The following SLC24A2 variants were observed in gnomAD, a reference collection of about 807,000 sequenced individuals.
SLC24A2 encodes the protein solute carrier family 24 member 2.
In SLC24A2, 36 loss-of-function variants were observed where a neutral mutation model predicts 62.0. The observed-to-expected ratio is 0.58, with a 90% CI of 0.44 to 0.77. The LOEUF is 0.77. Among genes scored for constraint, SLC24A2 ranks in the 30% least tolerant of loss-of-function variants. The pLI is 0.00. For missense variants in SLC24A2, 846 were observed against 817.9 expected (o/e 1.03, Z -0.42); for synonymous variants, 358 against 294.0 (o/e 1.22, Z -2.23).
chr9:19,882,404 C>G, the SLC24A2 span, among the ~76,000 whole-genome samples: 1 of 151,966 alleles, frequency 6.6e-6, no homozygotes, highest in African/African-American at 2.4e-5. Flanking sequence ...CAGTTCTTTG[C>G]CCTTTTTTGG....
chr9:20,008,145 C>T, the SLC24A2 span, among the ~76,000 whole-genome samples: 1 of 151,994 alleles, frequency 6.6e-6, no homozygotes. Context: ...ATCCACCCAC[C>T]TCAGCCTCCC....
chr9:20,096,601 T>G, the SLC24A2 span, among the ~76,000 whole-genome samples: 1 of 152,206 alleles, frequency 6.6e-6, no homozygotes, highest in East Asian at 1.9e-4. Flanking sequence ...ATAGAGGCAA[T>G]GGGTTCTACT....
At chr9:19,950,321 A>C in the SLC24A2 span, among the ~76,000 whole-genome samples, 1 of 152,208 alleles carries the variant, frequency 6.6e-6, no homozygotes, top group African/African-American at 2.4e-5. Context: ...TTACAAAAAA[A>C]CTTCTATCTT....
At chr9:19,898,574 C>A in the SLC24A2 span, among the ~76,000 whole-genome samples, 1 of 151,924 alleles carries the variant, frequency 6.6e-6, no homozygotes, top group African/African-American at 2.4e-5. Flanking sequence ...AACTCCATCT[C>A]TACTAAAAAT....
intron 2 of SLC24A2, among the ~76,000 whole-genome samples, chr9:19,765,029 A>T (rs866755869): frequency 3.8e-4 from 58 of 151,950 alleles, no homozygotes; most frequent in African/African-American, 1.4e-3. Flanking sequence ...TGTTGCATTG[A>T]TCCCTTTACC....
rs560379757 is a variant in SLC24A2 at position 19,583,438 on chromosome 9, A to G, written c.1130-6416T>C. 1.5e-3 allele frequency among the ~76,000 whole-genome samples: 229 copies of G among 152,292 alleles called. 1 individual carries two copies. The highest frequency in any genetic ancestry group is 5.3e-3 in the African/African-American group (221 of 41,584). ...TCTAATATACTATATCATTATGACT[A>G]CAGATTATTTGGTGCTTTCCACTGG... is the stretch of plus-strand genomic sequence containing the variant. On this transcript the variant is annotated intron_variant, in intron 5 of 10. Coordinates refer to ENST00000341998, the MANE Select transcript of SLC24A2 (RefSeq NM_020344.4).
At chr9:19,976,007 G>C in the SLC24A2 span, among the ~76,000 whole-genome samples, 1 of 152,046 alleles carries the variant, frequency 6.6e-6, no homozygotes, top group Non-Finnish European at 1.5e-5. Context: ...CTCCCAAGCA[G>C]CTGGAACCAC....
chr9:19,908,247 C>T, the SLC24A2 span, among the ~76,000 whole-genome samples: 857 of 146,042 alleles, frequency 5.9e-3, 3 homozygotes, highest in Non-Finnish European at 8.4e-3. Context: ...GGATTCCCTA[C>T]TTAATAAATG....
the SLC24A2 span, among the ~76,000 whole-genome samples, chr9:20,212,729 C>T: frequency 6.6e-6 from 1 of 151,372 alleles, no homozygotes; most frequent in Non-Finnish European, 1.5e-5. Context: ...ACATTGTAGC[C>T]TATGTATAAT....
intron 2 of SLC24A2, among the ~76,000 whole-genome samples, chr9:19,629,402 G>T (rs1236858964): frequency 6.6e-6 from 1 of 152,172 alleles, no homozygotes; most frequent in Non-Finnish European, 1.5e-5. Context: ...TAGAATGAAA[G>T]CTTTGATTTG....
the SLC24A2 span, among the ~76,000 whole-genome samples, chr9:20,086,833 T>C: frequency 2.6e-5 from 4 of 152,218 alleles, no homozygotes; most frequent in Non-Finnish European, 1.5e-5. Flanking sequence ...CTGGAACAGC[T>C]GAAGAAGACA....
the SLC24A2 span, among the ~76,000 whole-genome samples, chr9:20,058,332 A>C: frequency 6.6e-6 from 1 of 152,202 alleles, no homozygotes; most frequent in Non-Finnish European, 1.5e-5. Flanking sequence ...CCAGTGGAAA[A>C]CATAACCCTA....
chr9:19,966,067 A>T, the SLC24A2 span, among the ~76,000 whole-genome samples: 25 of 152,170 alleles, frequency 1.6e-4, no homozygotes, highest in Non-Finnish European at 2.9e-4. Context: ...CTCTCAACAG[A>T]TGCATAATTT....
At chr9:19,964,832 G>T in the SLC24A2 span, among the ~76,000 whole-genome samples, 126 of 152,310 alleles carry the variant, frequency 8.3e-4, 1 homozygote, top group African/African-American at 2.9e-3. Context: ...TGACTTCCAG[G>T]TCAAGTGTGT....
chr9:20,005,393 G>T, the SLC24A2 span, among the ~76,000 whole-genome samples: 1 of 152,110 alleles, frequency 6.6e-6, no homozygotes, highest in Admixed American at 6.5e-5. Flanking sequence ...CTAATATTGT[G>T]CTGAGGACTT....
the SLC24A2 span, among the ~76,000 whole-genome samples, chr9:20,287,730 G>C: frequency 6.6e-6 from 1 of 152,104 alleles, no homozygotes; most frequent in Non-Finnish European, 1.5e-5. Flanking sequence ...TTAACACATT[G>C]CCTCTGTTGA....
At chr9:20,109,520 C>G in the SLC24A2 span, among the ~76,000 whole-genome samples, 1 of 152,160 alleles carries the variant, frequency 6.6e-6, no homozygotes, top group East Asian at 1.9e-4. Flanking sequence ...ATGTGACCAG[C>G]CCCCAGTAAA....
chr9:20,287,159 C>G, the SLC24A2 span, among the ~76,000 whole-genome samples: 1 of 152,176 alleles, frequency 6.6e-6, no homozygotes, highest in African/African-American at 2.4e-5. Flanking sequence ...CACAAATCCT[C>G]CACCATGCTT....
At chr9:19,749,000 C>CA (rs1821911853) in intron 2 of SLC24A2, among the ~76,000 whole-genome samples, 1 of 151,112 alleles carries the variant, frequency 6.6e-6, no homozygotes, top group African/African-American at 2.4e-5. Flanking sequence ...GGATAAGACA[C>CA]ATTTGATCAG....
Sources: gnomAD v4.1 joint callset for allele counts (sites outside exome capture counted in the v4.1 genomes callset) on GRCh38, gnomAD v4.1.1 for gene constraint, MANE v1.5 for transcripts, NCBI Gene and HGNC (gene_info 2026-07-23, HGNC 2026-07-21) for gene names.